Variants in UNC5D observed in about 807,000 individuals in gnomAD.
UNC5D encodes the protein netrin receptor UNC5D.
A neutral mutation model predicts 105.4 loss-of-function variants in UNC5D; 39 were observed. The observed-to-expected ratio is 0.37, with a 90% confidence interval of 0.29 to 0.48. The LOEUF is 0.48. Among genes scored for constraint, UNC5D ranks in the 20% least tolerant of loss-of-function variants. UNC5D has a pLI of 0.98. For synonymous variants in UNC5D, 452 were observed against 450.4 expected (o/e 1.00, Z -0.04); for missense variants, 991 against 1,202.4 (o/e 0.82, Z 2.60).
At position 35,558,606 on chromosome 8, in the gene UNC5D, C is replaced by G. The variant is rs555319699; in HGVS notation, c.322+9096C>G. On this transcript the variant is annotated intron_variant, in intron 2 of 16. Coordinates refer to ENST00000404895, the MANE Select transcript of UNC5D (RefSeq NM_080872.4). Reference sequence around the variant, plus strand: ...TTTCCATCTGAGTAAGAGAGGATACCTCAGCCAAATCCAGGCATCACAGGG... The same window carrying G: ...TTTCCATCTGAGTAAGAGAGGATACGTCAGCCAAATCCAGGCATCACAGGG... Among the ~76,000 whole-genome samples the G allele has an allele frequency of 2.6e-5, 4 of 152,222 alleles. No individual in the cohort carries two copies. In the South Asian group the frequency reaches 8.3e-4, roughly 32 times the overall value.
At chr8:35,782,223 TATG>T (rs1161748793) in intron 16 of UNC5D, among the ~76,000 whole-genome samples, 1 of 152,196 alleles carries the variant, frequency 6.6e-6, no homozygotes, top group Non-Finnish European at 1.5e-5. Context: ...GTCAAATGCT[TATG>T]GTGTGTTCAA....
intron 8 of UNC5D, among the ~76,000 whole-genome samples, chr8:35,710,934 C>CTTTTTTTTTTTTTTTTTTTTTTT (rs775014566): frequency 9.6e-5 from 11 of 114,380 alleles, no homozygotes; most frequent in African/African-American, 3.2e-4. Context: ...CAGCATTATT[C>CTTTTTTTTTTTTTTTTTTTTTTT]TTTTTTTTTT....
intron 8 of UNC5D, among the ~76,000 whole-genome samples, chr8:35,708,555 G>A (rs1379525254): frequency 3.3e-5 from 5 of 152,254 alleles, no homozygotes; most frequent in South Asian, 2.1e-4. Flanking sequence ...TGGCAAACAC[G>A]CACCCCTAGA....
At chr8:35,296,110 T>C (rs1462887128) in intron 1 of UNC5D, among the ~76,000 whole-genome samples, 1 of 152,254 alleles carries the variant, frequency 6.6e-6, no homozygotes, top group Non-Finnish European at 1.5e-5. Flanking sequence ...CTATCATGAA[T>C]GCTACAGCGA....
chr8:35,706,443 C>T (rs929614354), intron 8 of UNC5D, among the ~76,000 whole-genome samples: 2 of 152,048 alleles, frequency 1.3e-5, no homozygotes, highest in Non-Finnish European at 2.9e-5. Context: ...CTGGCTTAGG[C>T]TCGTTGTACC....
intron 1 of UNC5D, among the ~76,000 whole-genome samples, chr8:35,533,384 TGAG>T (rs1387322481): frequency 6.6e-6 from 1 of 151,990 alleles, no homozygotes. Context: ...GGGACCCACT[TGAG>T]GAGGCAGTCT....
At chr8:35,469,743 C>T (rs139918104) in intron 1 of UNC5D, among the ~76,000 whole-genome samples, 16 of 152,236 alleles carry the variant, frequency 1.1e-4, no homozygotes, top group African/African-American at 2.2e-4. Context: ...ACCTGAATGA[C>T]GAATATGAGG....
At chr8:35,419,576 G>A (rs1805754711) in intron 1 of UNC5D, among the ~76,000 whole-genome samples, 1 of 152,196 alleles carries the variant, frequency 6.6e-6, no homozygotes, top group African/African-American at 2.4e-5. Context: ...GAGCCCCCAA[G>A]GGCTGTTACA....
At chr8:35,645,593 C>T in intron 4 of UNC5D, among the ~76,000 whole-genome samples, 1 of 151,652 alleles carries the variant, frequency 6.6e-6, no homozygotes, top group Non-Finnish European at 1.5e-5. Flanking sequence ...CCCTTCTTCC[C>T]AGCTTATGTA....
chr8:35,401,345 A>C (rs986625840), intron 1 of UNC5D, among the ~76,000 whole-genome samples: 5 of 152,092 alleles, frequency 3.3e-5, no homozygotes, highest in African/African-American at 1.2e-4. Context: ...TTAGCCGGGC[A>C]TAGTGGCACA....
chr8:35,785,410 A>G (rs1802698609), intron 16 of UNC5D, among the ~76,000 whole-genome samples: 1 of 152,170 alleles, frequency 6.6e-6, no homozygotes, highest in Non-Finnish European at 1.5e-5. Flanking sequence ...CCCAGGTTGG[A>G]GTGCAGTGGC....
At chr8:35,403,545 T>C (rs1804609253) in intron 1 of UNC5D, among the ~76,000 whole-genome samples, 2 of 152,200 alleles carry the variant, frequency 1.3e-5, no homozygotes, top group Admixed American at 6.5e-5. Flanking sequence ...TGGATTTCTT[T>C]GCACTTTGGA....
intron 1 of UNC5D, among the ~76,000 whole-genome samples, chr8:35,285,630 A>C (rs975900058): frequency 6.6e-6 from 1 of 152,198 alleles, no homozygotes; most frequent in African/African-American, 2.4e-5. Flanking sequence ...GTTTTTCTTA[A>C]TCCAGAGCAA....
chr8:35,591,806 C>A (rs753119836), intron 3 of UNC5D, among the ~76,000 whole-genome samples: 2 of 152,102 alleles, frequency 1.3e-5, no homozygotes, highest in Non-Finnish European at 2.9e-5. Context: ...GATGATAGAA[C>A]AAGGAAAACA....
intron 1 of UNC5D, among the ~76,000 whole-genome samples, chr8:35,327,431 A>C (rs1457778189): frequency 5.9e-5 from 9 of 152,114 alleles, no homozygotes; most frequent in Non-Finnish European, 4.4e-5. Flanking sequence ...TTACTTCGAC[A>C]TTTCAAGGTT....
At chr8:35,370,311 G>C (rs951305390) in intron 1 of UNC5D, among the ~76,000 whole-genome samples, 1 of 152,176 alleles carries the variant, frequency 6.6e-6, no homozygotes, top group Non-Finnish European at 1.5e-5. Flanking sequence ...AAAAAATATA[G>C]TTTGTAGTAA....
intron 1 of UNC5D, among the ~76,000 whole-genome samples, chr8:35,256,972 T>TG (rs1472413681): frequency 0.022 from 3,318 of 150,220 alleles, 119 homozygotes; most frequent in African/African-American, 0.079. Flanking sequence ...TTTTTTTTTT[T>TG]TTTGTTTTTT....
At chr8:35,482,042 T>C (rs963325530) in intron 1 of UNC5D, among the ~76,000 whole-genome samples, 37 of 152,210 alleles carry the variant, frequency 2.4e-4, no homozygotes, top group Non-Finnish European at 5.0e-4. Flanking sequence ...ATAGATAGTG[T>C]GTACCTGGAT....
chr8:35,590,736 T>C (rs1819114703), intron 3 of UNC5D, among the ~76,000 whole-genome samples: 1 of 152,170 alleles, frequency 6.6e-6, no homozygotes, highest in African/African-American at 2.4e-5. Flanking sequence ...ATGTCACTGA[T>C]GAGGAAGCTG....
Sources: allele counts gnomAD v4.1 joint callset (sites outside exome capture counted in the v4.1 genomes callset), GRCh38; gene constraint gnomAD v4.1.1; transcripts MANE v1.5; gene names NCBI Gene and HGNC (gene_info 2026-07-23, HGNC 2026-07-21).